Variants in PPP2R2B observed in about 807,000 individuals in gnomAD.
The protein encoded by PPP2R2B is serine/threonine-protein phosphatase 2A 55 kDa regulatory subunit B beta isoform.
In PPP2R2B, 5 loss-of-function variants were observed where a neutral mutation model predicts 46.0. The observed-to-expected ratio is 0.11, with a 90% CI of 0.06 to 0.23. PPP2R2B has a LOEUF of 0.23. Among genes scored for constraint, PPP2R2B ranks in the 10% least tolerant of loss-of-function variants. The pLI is 1.00. For missense variants in PPP2R2B, 367 were observed against 575.0 expected (o/e 0.64, Z 3.70); for synonymous variants, 215 against 206.7 (o/e 1.04, Z -0.34).
intron 1 of PPP2R2B, among the ~76,000 whole-genome samples, chr5:146,970,283 C>G (rs1439830846): frequency 1.3e-5 from 2 of 152,104 alleles, no homozygotes; most frequent in Admixed American, 6.6e-5. Context: ...TGTTGGTCTG[C>G]TTCTGTGTCA....
chr5:146,769,675 C>T (rs933701877), intron 2 of PPP2R2B, among the ~76,000 whole-genome samples: 1 of 152,146 alleles, frequency 6.6e-6, no homozygotes, highest in African/African-American at 2.4e-5. Flanking sequence ...ACCACCTTAC[C>T]AATATTTCTT....
At chr5:146,880,055 G>C (rs1052370678), upstream of PPP2R2B, among the ~76,000 whole-genome samples, 4 of 152,218 alleles carry the variant, frequency 2.6e-5, no homozygotes, top group African/African-American at 9.7e-5. Context: ...GTTGGGAATT[G>C]TCATTAGATT....
At chr5:146,867,600 A>C (rs1278229360) in intron 2 of PPP2R2B, among the ~76,000 whole-genome samples, 1 of 152,164 alleles carries the variant, frequency 6.6e-6, no homozygotes, top group East Asian at 1.9e-4. Flanking sequence ...GACCTGCCCA[A>C]GGCCACAGAA....
intron 1 of PPP2R2B, among the ~76,000 whole-genome samples, chr5:147,047,462 C>A (rs912991346): frequency 6.6e-6 from 1 of 151,968 alleles, no homozygotes; most frequent in African/African-American, 2.4e-5. Flanking sequence ...ACTCCACCCC[C>A]CAAAATGTAC....
chr5:146,638,919 GATA>G (rs773791102), intron 6 of PPP2R2B, among the ~76,000 whole-genome samples: 4 of 152,244 alleles, frequency 2.6e-5, no homozygotes, highest in East Asian at 1.9e-4. Flanking sequence ...ATATGTTGAT[GATA>G]ATAATAATAG....
intron 2 of PPP2R2B, among the ~76,000 whole-genome samples, chr5:146,767,256 G>C (rs931371198): frequency 4.6e-5 from 7 of 152,020 alleles, no homozygotes; most frequent in African/African-American, 1.7e-4. Context: ...CTTGTCTCCT[G>C]TTTGGGGAGT....
intron 2 of PPP2R2B, among the ~76,000 whole-genome samples, chr5:146,764,619 G>C (rs1011542182): frequency 1.3e-5 from 2 of 152,096 alleles, no homozygotes; most frequent in African/African-American, 4.8e-5. Context: ...TGCTGCACCT[G>C]CAAGAGTGAG....
intron 1 of PPP2R2B, among the ~76,000 whole-genome samples, chr5:146,975,622 G>C (rs1293343581): frequency 6.6e-6 from 1 of 152,184 alleles, no homozygotes; most frequent in African/African-American, 2.4e-5. Flanking sequence ...GTGCAGAAGA[G>C]TTCCAATTTT....
At chr5:146,733,956 T>G (rs1023231633) in intron 2 of PPP2R2B, among the ~76,000 whole-genome samples, 1 of 152,122 alleles carries the variant, frequency 6.6e-6, no homozygotes, top group Admixed American at 6.6e-5. Context: ...ATAGTAGTGG[T>G]AGTAATAACA....
In PPP2R2B at chr5:146,719,563, AC is replaced by A. The variant is rs556851495; in HGVS notation, c.71-18422del. Among the ~76,000 whole-genome samples the A allele has an allele frequency of 1.1e-4, 17 of 152,292 alleles. 1 individual carries two copies. In the South Asian group the frequency reaches 3.3e-3, roughly 30 times the overall value. On this transcript the variant is annotated intron_variant, in intron 2 of 9. Coordinates refer to ENST00000394411, the MANE Select transcript of PPP2R2B (RefSeq NM_181675.4). ...GGAGGAGCTTAGCATGATGCCTTGC[AC>A]ATTGTAGCTCCTCAATATATATAAT...
At chr5:146,633,812 T>C (rs1774604706) in intron 7 of PPP2R2B, among the ~76,000 whole-genome samples, 1 of 152,184 alleles carries the variant, frequency 6.6e-6, no homozygotes, top group Non-Finnish European at 1.5e-5. Flanking sequence ...CCTGCTTCTG[T>C]ATGACTGCAT....
At chr5:147,010,704 T>C (rs1754683334) in intron 1 of PPP2R2B, among the ~76,000 whole-genome samples, 1 of 152,122 alleles carries the variant, frequency 6.6e-6, no homozygotes, top group Admixed American at 6.6e-5. Flanking sequence ...CCTACTGCCC[T>C]CCTGCTGTGT....
intron 8 of PPP2R2B, among the ~76,000 whole-genome samples, chr5:146,594,423 G>T (rs914045203): frequency 6.6e-6 from 1 of 152,160 alleles, no homozygotes; most frequent in African/African-American, 2.4e-5. Context: ...GATGAATAAG[G>T]TTCAGAGAGT....
chr5:146,907,938 G>A (rs1401125497), intron 1 of PPP2R2B, among the ~76,000 whole-genome samples: 1 of 152,136 alleles, frequency 6.6e-6, no homozygotes, highest in Non-Finnish European at 1.5e-5. Context: ...TCCCTAGAAG[G>A]AAAAACCATG....
intron 1 of PPP2R2B, among the ~76,000 whole-genome samples, chr5:146,966,534 C>G (rs371466780): frequency 4.8e-4 from 73 of 152,324 alleles, no homozygotes; most frequent in African/African-American, 1.6e-3. Context: ...TCCCTCAACA[C>G]TCTAATCCAT....
chr5:146,744,471 G>A (rs998425173), intron 2 of PPP2R2B, among the ~76,000 whole-genome samples: 1 of 152,186 alleles, frequency 6.6e-6, no homozygotes, highest in Non-Finnish European at 1.5e-5. Context: ...CAACACACAG[G>A]CTGGGACTGA....
chr5:146,592,716 A>AAAAG (rs1019011210), intron 9 of PPP2R2B, among the ~76,000 whole-genome samples: 1 of 152,204 alleles, frequency 6.6e-6, no homozygotes, highest in African/African-American at 2.4e-5. Context: ...TCTTGTGTGA[A>AAAAG]AAAGATAGGA....
At chr5:146,604,837 C>T (rs542195406) in intron 7 of PPP2R2B, among the ~76,000 whole-genome samples, 1 of 152,284 alleles carries the variant, frequency 6.6e-6, no homozygotes, top group South Asian at 2.1e-4. Context: ...CACACCACCT[C>T]CACAACAGGG....
At chr5:146,645,914 C>T (rs137871002) in intron 6 of PPP2R2B, among the ~76,000 whole-genome samples, 1 of 152,176 alleles carries the variant, frequency 6.6e-6, no homozygotes, top group African/African-American at 2.4e-5. Flanking sequence ...GTCATACTCT[C>T]TCCTGCCACA....
Sources: allele counts gnomAD v4.1 joint callset (sites outside exome capture counted in the v4.1 genomes callset), GRCh38; gene constraint gnomAD v4.1.1; transcripts MANE v1.5; gene names NCBI Gene and HGNC (gene_info 2026-07-23, HGNC 2026-07-21).